The following PRR5 variants were observed in gnomAD, a reference collection of about 807,000 sequenced individuals.
PRR5 encodes the protein proline-rich protein 5.
Under a neutral mutation model 30.6 loss-of-function variants are expected in PRR5, and 25 were observed. The observed-to-expected ratio is 0.82, with a 90% CI of 0.60 to 1.14. The LOEUF (loss-of-function observed/expected upper bound fraction) is 1.14, where lower values mean the gene tolerates loss of function less well. PRR5 is among the 50% of genes most tolerant of loss of function. The pLI is 0.00. For missense variants in PRR5, 600 were observed against 547.1 expected, an observed-to-expected ratio of 1.10 and a Z score of -0.96; for synonymous variants, 286 against 247.1, an observed-to-expected ratio of 1.16 and a Z score of -1.48.
Position 44,702,249 on chromosome 22 carries a change from C to G in PRR5, c.-226C>G. 1 of 1,132,946 alleles carries G rather than the reference C, an allele frequency of 8.8e-7. No homozygotes were observed. Among genetic ancestry groups the G allele is most frequent in the Non-Finnish European group, 1.1e-6 (1 of 924,056 alleles). The allele number at this position is 1,132,946 out of a possible 1,614,324, so 70.2% of individuals were successfully genotyped here. On this transcript the variant is annotated 5_prime_UTR_variant, in exon 1 of 8. Transcript: ENST00000336985. Reference sequence around the variant, plus strand: ...CTGTGCTGGCCGCGCGCCTGGCGCTCCACGCTGAGCCTCTCCGTGCAATGA... The same window carrying G: ...CTGTGCTGGCCGCGCGCCTGGCGCTGCACGCTGAGCCTCTCCGTGCAATGA...
intron 2 of PRR5, among the ~76,000 whole-genome samples, chr22:44,715,291 C>T (rs555075322): frequency 5.9e-5 from 9 of 152,288 alleles, no homozygotes; most frequent in Admixed American, 4.6e-4. Flanking sequence ...ACAGCTGCTC[C>T]AAGGAGGCAG....
chr22:44,690,586 A>G (rs186535276), intron 1 of PRR5, among the ~76,000 whole-genome samples: 72 of 152,284 alleles, frequency 4.7e-4, no homozygotes, highest in Non-Finnish European at 9.4e-4. Flanking sequence ...TTCTCATTTC[A>G]CAGATGGGGA....
At chr22:44,732,911 A>G (rs1330323254) in intron 6 of PRR5, among the ~76,000 whole-genome samples, 1 of 142,970 alleles carries the variant, frequency 7.0e-6, no homozygotes, top group African/African-American at 2.7e-5. Context: ...ACGCATACAC[A>G]CTACACACGT....
chr22:44,735,272 G>A (rs555020794), intron 7 of PRR5, 110 bp downstream of exon 7: 4 of 1,373,870 alleles, frequency 2.9e-6, no homozygotes, highest in South Asian at 1.4e-5. Flanking sequence ...TCTGACTCCA[G>A]ACTGGTTCTC....
chr22:44,681,977 G>A (rs920327607), intron 1 of PRR5, among the ~76,000 whole-genome samples: 13 of 152,200 alleles, frequency 8.5e-5, no homozygotes, highest in Non-Finnish European at 1.5e-4. Flanking sequence ...CTGGAGGGAG[G>A]AGCCGGCAAC....
chr22:44,732,550 G>A (rs1922224379), intron 6 of PRR5, among the ~76,000 whole-genome samples, 159 bp downstream of exon 6: 1 of 152,202 alleles, frequency 6.6e-6, no homozygotes, highest in East Asian at 1.9e-4. Flanking sequence ...CCGGGGAGCA[G>A]CTGGTCAGAG....
rs1350508300 is a variant in PRR5, at chr22:44,702,374, C to G, written c.-101C>G. 72 of 1,196,862 alleles carry G rather than the reference C, an allele frequency of 6.0e-5. No homozygotes were observed. Among genetic ancestry groups the G allele is most frequent in the Non-Finnish European group, 7.2e-5 (69 of 963,490 alleles). 74.1% of individuals were successfully genotyped at this position (1,196,862 alleles called of 1,614,324 possible). Reference sequence around the variant, plus strand: ...CGGCTTCCTGCTCTCGCCGGAGTTTCCGCGTAGAGGGCGCATCGCCGGCCC... The same window carrying G: ...CGGCTTCCTGCTCTCGCCGGAGTTTGCGCGTAGAGGGCGCATCGCCGGCCC... On this transcript the variant is annotated 5_prime_UTR_variant, in exon 1 of 8. Coordinates refer to ENST00000336985, the MANE Select transcript of PRR5 (RefSeq NM_181333.4).
chr22:44,723,013 A>T (rs1485039425), intron 2 of PRR5, among the ~76,000 whole-genome samples: 1 of 147,318 alleles, frequency 6.8e-6, no homozygotes, highest in Admixed American at 6.8e-5. Context: ...TGAGACAGAG[A>T]CTCGCTCTGT....
At chr22:44,672,008 TGC>T (rs745686407) in intron 1 of PRR5, among the ~76,000 whole-genome samples, 3 of 152,254 alleles carry the variant, frequency 2.0e-5, no homozygotes, top group Non-Finnish European at 2.9e-5. Flanking sequence ...AGTCTTGTAG[TGC>T]TGTGGTCTTG....
In PRR5 at chr22:44,737,229, C is replaced by T. The variant is rs752832751; in HGVS notation, c.1149C>T (p.Gly383=). The change falls in exon 8 of 8, where the codon GGC becomes GGT. Residue 383 remains glycine (G), a synonymous_variant. Coordinates refer to ENST00000336985, the MANE Select transcript of PRR5 (RefSeq NM_181333.4). ...SGMSDLEGSG[G]RQSVV ...TGTCCGACTTGGAGGGCTCTGGGGGCCGGCAGAGTGTCGTGTGAGGCCTCA... is the reference window on the plus strand; with the variant it reads ...TGTCCGACTTGGAGGGCTCTGGGGGTCGGCAGAGTGTCGTGTGAGGCCTCA... 48 of 1,603,184 alleles carry T rather than the reference C, an allele frequency of 3.0e-5. No homozygotes were observed. In the South Asian group the frequency reaches 5.1e-4, roughly 17 times the overall value.
upstream of PRR5, among the ~76,000 whole-genome samples, chr22:44,673,335 C>G (rs1923532024): frequency 6.6e-6 from 1 of 152,226 alleles, no homozygotes; most frequent in South Asian, 2.1e-4. Flanking sequence ...CTGCATAGCT[C>G]CTGGGGTGAG....
intron 1 of PRR5, among the ~76,000 whole-genome samples, chr22:44,705,188 C>T (rs769198873): frequency 6.6e-5 from 10 of 152,256 alleles, no homozygotes; most frequent in Non-Finnish European, 1.5e-4. Flanking sequence ...GTCCAGGTGT[C>T]GCTCCCACCA....
chr22:44,718,837 T>C (rs564838570), intron 2 of PRR5, among the ~76,000 whole-genome samples: 7 of 152,328 alleles, frequency 4.6e-5, no homozygotes, highest in African/African-American at 1.7e-4. Flanking sequence ...CATTTTTCAG[T>C]TGGGTTATTT....
chr22:44,671,089 A>T (rs1923400574), intron 1 of PRR5, among the ~76,000 whole-genome samples: 1 of 152,170 alleles, frequency 6.6e-6, no homozygotes, highest in African/African-American at 2.4e-5. Context: ...CAGGCTACTG[A>T]TGCTGTGTGA....
chr22:44,690,062 A>G (rs1569070489), intron 1 of PRR5, among the ~76,000 whole-genome samples: 1 of 152,072 alleles, frequency 6.6e-6, no homozygotes, highest in Non-Finnish European at 1.5e-5. Context: ...GGTGAGACTG[A>G]GCTTACAGAG....
At chr22:44,703,231 C>T (rs906824540) in intron 1 of PRR5, among the ~76,000 whole-genome samples, 1 of 152,104 alleles carries the variant, frequency 6.6e-6, no homozygotes, top group Non-Finnish European at 1.5e-5. Flanking sequence ...GGAAAAGAGA[C>T]GGTTTATTTA....
intron 6 of PRR5, among the ~76,000 whole-genome samples, chr22:44,732,952 CAT>C (rs1250816037): frequency 3.6e-5 from 5 of 137,198 alleles, no homozygotes; most frequent in East Asian, 4.1e-4. Flanking sequence ...CGTGTGCACA[CAT>C]ACGCGTGCAC....
chr22:44,726,971 G>T (rs375381926), intron 4 of PRR5, among the ~76,000 whole-genome samples: 1 of 152,254 alleles, frequency 6.6e-6, no homozygotes, highest in Admixed American at 6.5e-5. Flanking sequence ...GGTCTTTGGG[G>T]GTCAGAGGAG....
chr22:44,682,419 G>A (rs1297357214), intron 1 of PRR5, among the ~76,000 whole-genome samples: 1 of 152,214 alleles, frequency 6.6e-6, no homozygotes, highest in African/African-American at 2.4e-5. Flanking sequence ...CACCGTGGCT[G>A]TCAGCTGCCT....
Sources: gnomAD v4.1 joint callset for allele counts (sites outside exome capture counted in the v4.1 genomes callset) on GRCh38, gnomAD v4.1.1 for gene constraint, MANE v1.5 for transcripts, NCBI Gene and HGNC (gene_info 2026-07-23, HGNC 2026-07-21) for gene names.